The following CCDC7 variants were observed in gnomAD, a reference collection of about 807,000 sequenced individuals.
The protein encoded by CCDC7 is coiled-coil domain-containing protein 7.
Under a neutral mutation model 196.9 loss-of-function variants are expected in CCDC7, and 183 were observed. That is an observed-to-expected ratio of 0.93 (90% CI 0.82 to 1.05). The LOEUF (loss-of-function observed/expected upper bound fraction) is 1.05. Ranked by LOEUF, CCDC7 falls within the 50% of genes least tolerant of loss-of-function variation. The pLI, the probability that CCDC7 is intolerant of heterozygous loss-of-function variation, is 0.00. For synonymous variants in CCDC7, 525 were observed against 484.6 expected, an observed-to-expected ratio of 1.08 and a Z score of -1.10; for missense variants, 1,540 against 1,482.2, an observed-to-expected ratio of 1.04 and a Z score of -0.64.
chr10:32,572,532 A>T (rs2057702815), intron 16 of CCDC7, among the ~76,000 whole-genome samples: 1 of 152,176 alleles, frequency 6.6e-6, no homozygotes, highest in African/African-American at 2.4e-5. Flanking sequence ...TAATAAGTGT[A>T]ATGATTAATG....
chr10:32,527,956 T>A (rs1474112573), intron 11 of CCDC7, among the ~76,000 whole-genome samples: 1 of 152,202 alleles, frequency 6.6e-6, no homozygotes, highest in Non-Finnish European at 1.5e-5. Context: ...AAGTCAGGAC[T>A]TTTAAGTTCT....
intron 24 of CCDC7, among the ~76,000 whole-genome samples, chr10:32,707,060 A>G (rs2079905213): frequency 6.6e-6 from 1 of 152,236 alleles, no homozygotes; most frequent in African/African-American, 2.4e-5. Context: ...ACATCGATGC[A>G]AAAATCCTCA....
At chr10:32,447,624 G>A (rs2133248267), upstream of CCDC7, among the ~76,000 whole-genome samples, 1 of 152,242 alleles carries the variant, frequency 6.6e-6, no homozygotes, top group East Asian at 1.9e-4. Context: ...AGGGAGCAGG[G>A]CGCACAGTGG....
chr10:32,594,827 G>C (rs2060149795), intron 18 of CCDC7, among the ~76,000 whole-genome samples: 2 of 152,172 alleles, frequency 1.3e-5, no homozygotes, highest in Non-Finnish European at 2.9e-5. Context: ...TTTGTCATTG[G>C]TTCTGTTTAT....
chr10:32,784,117 A>C (rs187498720), intron 29 of CCDC7, among the ~76,000 whole-genome samples: 1 of 152,332 alleles, frequency 6.6e-6, no homozygotes. Context: ...TCATACATTT[A>C]AAATGGTTAA....
At chr10:32,504,348 T>C (rs983108935) in intron 9 of CCDC7, among the ~76,000 whole-genome samples, 1 of 151,992 alleles carries the variant, frequency 6.6e-6, no homozygotes, top group Admixed American at 6.6e-5. Context: ...GATCTGACCA[T>C]GTGATCTGCC....
chr10:32,739,477 C>G (rs1333631749), intron 28 of CCDC7, among the ~76,000 whole-genome samples: 2 of 151,666 alleles, frequency 1.3e-5, no homozygotes, highest in South Asian at 4.1e-4. Context: ...TCCTTTTTTT[C>G]TTAGTTTTTC....
intron 24 of CCDC7, among the ~76,000 whole-genome samples, chr10:32,708,402 T>G (rs180993225): frequency 6.6e-6 from 1 of 152,194 alleles, no homozygotes; most frequent in Non-Finnish European, 1.5e-5. Context: ...TTTCAGATCA[T>G]AGGCATGGAC....
intron 30 of CCDC7, among the ~76,000 whole-genome samples, chr10:32,807,842 TGTCTTA>T (rs2086171663): frequency 6.6e-6 from 1 of 152,044 alleles, no homozygotes; most frequent in Non-Finnish European, 1.5e-5. Context: ...GTGATTCTTC[TGTCTTA>T]GCCTCCCAAG....
At chr10:32,627,837 C>A (rs2064272977) in intron 18 of CCDC7, among the ~76,000 whole-genome samples, 1 of 151,766 alleles carries the variant, frequency 6.6e-6, no homozygotes, top group South Asian at 2.1e-4. Context: ...ATGTATTGAA[C>A]CTTTTATGCA....
rs1419056095 is a variant in CCDC7, at chr10:32,726,710, CTCTT to C, written c.2570-22_2570-19del. On this transcript the variant is annotated intron_variant, in intron 25 of 41. Transcript: ENST00000639629. The stretch of plus-strand genomic sequence containing the variant: ...TTTTCATTTAGCGGACTAAATGTAT[CTCTT>C]TATGTGGTTCATTTTGTAGTACCAG... 1 of 1,352,210 alleles carries C rather than the reference CTCTT, an allele frequency of 7.4e-7. No homozygotes were observed. The highest frequency in any genetic ancestry group is 1.8e-5 in the Admixed American group (1 of 54,484). 83.8% of individuals were successfully genotyped at this position (1,352,210 alleles called of 1,614,324 possible). A position where few individuals can be genotyped will look rare whatever the true frequency, so the allele number is the denominator to read the frequency against.
chr10:32,623,309 T>C (rs2139207494), intron 18 of CCDC7, among the ~76,000 whole-genome samples: 1 of 152,300 alleles, frequency 6.6e-6, no homozygotes, highest in East Asian at 1.9e-4. Context: ...TGTTTCACAG[T>C]TGGATCTTTA....
chr10:32,489,518 C>A (rs2041827441), intron 8 of CCDC7, among the ~76,000 whole-genome samples: 1 of 152,162 alleles, frequency 6.6e-6, no homozygotes, highest in African/African-American at 2.4e-5. Context: ...CTGGGCAAGG[C>A]TAGCATGTAA....
intron 29 of CCDC7, among the ~76,000 whole-genome samples, chr10:32,797,197 A>G (rs1156632828): frequency 6.7e-6 from 1 of 148,214 alleles, no homozygotes; most frequent in Non-Finnish European, 1.5e-5. Flanking sequence ...ATATACGTAT[A>G]TATATACACA....
chr10:32,726,288 GTATT>G (rs989185463), intron 25 of CCDC7, among the ~76,000 whole-genome samples: 64 of 149,488 alleles, frequency 4.3e-4, no homozygotes, highest in African/African-American at 1.6e-3. Flanking sequence ...GATATGTAGA[GTATT>G]TATATCATAT....
intron 41 of CCDC7, 93 bp downstream of exon 42, chr10:32,854,582 C>T (rs1283595273): frequency 2.5e-6 from 2 of 787,900 alleles, no homozygotes; most frequent in East Asian, 2.9e-5. Context: ...TCTGGGCTTC[C>T]TTCTTCAAAC....
chr10:32,615,693 C>A (rs1247040739), intron 18 of CCDC7, among the ~76,000 whole-genome samples: 1 of 151,990 alleles, frequency 6.6e-6, no homozygotes, highest in Non-Finnish European at 1.5e-5. Context: ...TCCCATATGT[C>A]TATTTTCATT....
At chr10:32,694,486 A>T (rs140236937) in intron 23 of CCDC7, among the ~76,000 whole-genome samples, 172 of 152,342 alleles carry the variant, frequency 1.1e-3, no homozygotes, top group African/African-American at 3.5e-3. Context: ...CTGGATATAC[A>T]TATCTCAGTT....
intron 18 of CCDC7, among the ~76,000 whole-genome samples, chr10:32,608,024 CTG>C (rs1369162093): frequency 6.6e-6 from 1 of 152,130 alleles, no homozygotes; most frequent in Admixed American, 6.5e-5. Context: ...TTAACAGACA[CTG>C]TTCAATTTGG....
Sources: allele counts gnomAD v4.1 joint callset (sites outside exome capture counted in the v4.1 genomes callset), GRCh38; gene constraint gnomAD v4.1.1; transcripts MANE v1.5; gene names NCBI Gene and HGNC (gene_info 2026-07-23, HGNC 2026-07-21).